Variants in THADA observed in about 807,000 individuals in gnomAD.
THADA encodes the protein THADA armadillo repeat containing.
A neutral mutation model predicts 219.8 loss-of-function variants in THADA; 213 were observed. The observed-to-expected ratio is 0.97, with a 90% confidence interval of 0.87 to 1.09. The LOEUF (loss-of-function observed/expected upper bound fraction) is 1.09. Ranked by LOEUF, THADA falls within the 50% of genes least tolerant of loss-of-function variation. The pLI is 0.00. For synonymous variants in THADA, 1,018 were observed against 828.9 expected (o/e 1.23, Z -3.92); for missense variants, 2,956 against 2,311.3 (o/e 1.28, Z -5.72).
chr2:43,534,955 C>T (rs1247220545), intron 21 of THADA, among the ~76,000 whole-genome samples: 3 of 152,090 alleles, frequency 2.0e-5, no homozygotes, highest in Non-Finnish European at 4.4e-5. Context: ...AGTTTACACT[C>T]CCACCAATAG....
At chr2:43,547,917 T>A (rs999371482) in intron 20 of THADA, among the ~76,000 whole-genome samples, 19 of 152,222 alleles carry the variant, frequency 1.2e-4, no homozygotes, top group African/African-American at 4.6e-4. Flanking sequence ...AGGAGCTGCA[T>A]TCCTTTGGAG....
intron 34 of THADA, among the ~76,000 whole-genome samples, chr2:43,287,317 C>T (rs1377026582): frequency 6.6e-6 from 1 of 151,874 alleles, no homozygotes; most frequent in Non-Finnish European, 1.5e-5. Context: ...TGGTTTGAGG[C>T]AAGGTCTTGC....
intron 21 of THADA, among the ~76,000 whole-genome samples, chr2:43,534,785 C>A (rs1694334652): frequency 6.6e-6 from 1 of 152,138 alleles, no homozygotes. Flanking sequence ...CATGGGATTG[C>A]AACACTATTC....
At chr2:43,232,476 C>T (rs555939929) in intron 37 of THADA, among the ~76,000 whole-genome samples, 73 of 152,326 alleles carry the variant, frequency 4.8e-4, no homozygotes, top group African/African-American at 1.7e-3. Context: ...CTGTGCCCGG[C>T]CAGGGGCTTC....
intron 25 of THADA, chr2:43,486,412 G>A (rs566505688): frequency 2.0e-5 from 3 of 152,138 alleles, no homozygotes; most frequent in South Asian, 4.1e-4. Context: ...TGTAAAAATC[G>A]GTGTAGAGAT....
chr2:43,519,584 G>A (rs996511197), intron 22 of THADA, among the ~76,000 whole-genome samples: 2 of 152,132 alleles, frequency 1.3e-5, no homozygotes, highest in African/African-American at 4.8e-5. Context: ...TACTTCCACA[G>A]TTATATGTTT....
intron 29 of THADA, among the ~76,000 whole-genome samples, chr2:43,397,056 T>C (rs1674147079): frequency 6.6e-6 from 1 of 152,188 alleles, no homozygotes; most frequent in African/African-American, 2.4e-5. Flanking sequence ...CTATTATCCT[T>C]ATTTCAAAAA....
rs997638248 is a variant in THADA at position 43,553,273 on chromosome 2, G to T, written c.2675-934C>A. 6.6e-5 allele frequency among the ~76,000 whole-genome samples: 10 copies of T among 152,150 alleles called. No homozygotes were observed. The South Asian group carries it at 2.1e-3, about 32-fold the overall frequency. On this transcript the variant is annotated intron_variant, in intron 17 of 37. Coordinates refer to ENST00000405975, the MANE Select transcript of THADA (RefSeq NM_022065.5). ...TTCTCTTAGGTATATCCTTGTTATG[G>T]ACTACATGTTTGTGCTTCCTCCCCC...
chr2:43,330,948 C>T (rs1021874741), intron 30 of THADA, among the ~76,000 whole-genome samples: 1 of 152,156 alleles, frequency 6.6e-6, no homozygotes, highest in African/African-American at 2.4e-5. Flanking sequence ...AGTCGCCTGC[C>T]CCCGTGTCTA....
chr2:43,528,126 C>CTTTTTTTTTTTTTTT (rs367822642), intron 21 of THADA, 138 bp from the exon 22 acceptor site: 1 of 158,438 alleles, frequency 6.3e-6, no homozygotes, highest in Non-Finnish European at 1.2e-5. Context: ...ATGTTTTAAG[C>CTTTTTTTTTTTTTTT]TTTTTTTTTT....
chr2:43,547,893 T>C (rs1349358408), intron 20 of THADA, among the ~76,000 whole-genome samples: 4 of 152,252 alleles, frequency 2.6e-5, no homozygotes, highest in Admixed American at 6.5e-5. Flanking sequence ...TCCAGCTTTG[T>C]TCCGTTGCTG....
chr2:43,412,891 C>A lies in THADA; in HGVS notation c.4059-14752G>T, dbSNP rs906477501. On this transcript the variant is annotated intron_variant, in intron 28 of 37. Coordinates refer to ENST00000405975, the MANE Select transcript of THADA (RefSeq NM_022065.5). ...CTTCCTAAATCCCTACATCTTCTAG[C>A]CTTTTCTAAAGAAAACACTAAATTT... 5.9e-5 allele frequency among the ~76,000 whole-genome samples: 9 copies of A among 152,096 alleles called. 1 individual carries two copies. The highest frequency in any genetic ancestry group is 1.3e-4 in the Admixed American group (2 of 15,258).
In THADA at chr2:43,505,630, C is replaced by G; in HGVS notation, c.3613G>C (p.Val1205Leu). The G allele has an allele frequency of 6.3e-7, 1 of 1,587,136 alleles. No homozygotes were observed. The highest frequency in any genetic ancestry group is 1.1e-5 in the South Asian group (1 of 87,392). The change falls in exon 24 of 38, where the codon GTC (valine) becomes CTC (leucine). Residue 1205 changes from valine to leucine, a missense_variant. Transcript: ENST00000405975. ...AGPTDDIQSTVPQVHALNILR... is the reference protein window; with the variant it reads ...AGPTDDIQSTLPQVHALNILR... ...TGTATTTCCATGATTACCTGGGGGA[C>G]TGTACTCTGTATGTCATCTGTAGGC... is the stretch of plus-strand genomic sequence containing the variant.
chr2:43,586,158 G>C (rs1701002944), intron 7 of THADA, among the ~76,000 whole-genome samples: 1 of 152,112 alleles, frequency 6.6e-6, no homozygotes. Flanking sequence ...CCAGCTACGT[G>C]GGAAGCTGAG....
chr2:43,351,686 A>T (rs1359486703), intron 29 of THADA, among the ~76,000 whole-genome samples: 1 of 152,206 alleles, frequency 6.6e-6, no homozygotes, highest in African/African-American at 2.4e-5. Flanking sequence ...ATTGATTCGG[A>T]ATTCTACCAC....
chr2:43,381,498 A>G (rs529398909), intron 29 of THADA, among the ~76,000 whole-genome samples: 35 of 152,304 alleles, frequency 2.3e-4, no homozygotes, highest in Admixed American at 6.5e-4. Context: ...AAAAGACAGA[A>G]GAGGAGAGAA....
intron 29 of THADA, among the ~76,000 whole-genome samples, chr2:43,358,068 C>T (rs4580428): frequency 0.03 from 4,560 of 152,026 alleles, 107 homozygotes; most frequent in South Asian, 0.072. Flanking sequence ...AGACTGCATA[C>T]CTGATTCAGC....
chr2:43,332,858 A>G (rs952621345), intron 30 of THADA, among the ~76,000 whole-genome samples: 3 of 152,174 alleles, frequency 2.0e-5, no homozygotes, highest in Non-Finnish European at 2.9e-5. Context: ...AAAAAGTAGA[A>G]AGCATCAGCA....
At chr2:43,489,793 G>A (rs987757422) in intron 25 of THADA, among the ~76,000 whole-genome samples, 3 of 149,402 alleles carry the variant, frequency 2.0e-5, no homozygotes, top group Admixed American at 6.7e-5. Context: ...TGGGACCTGT[G>A]GGGCCTCCAA....
Sources: allele counts gnomAD v4.1 joint callset (sites outside exome capture counted in the v4.1 genomes callset), GRCh38; gene constraint gnomAD v4.1.1; transcripts MANE v1.5; gene names NCBI Gene and HGNC (gene_info 2026-07-23, HGNC 2026-07-21).